The following MYBPC1 variants were observed in gnomAD, a reference collection of about 807,000 sequenced individuals.
MYBPC1 encodes myosin-binding protein C, slow-type.
Under a neutral mutation model 147.1 loss-of-function variants are expected in MYBPC1, and 52 were observed. The ratio of observed to expected loss-of-function variants is 0.35; its 90% CI spans 0.28 to 0.45. MYBPC1 has a LOEUF of 0.45. MYBPC1 is among the 20% of genes least tolerant of loss of function. The probability of loss-of-function intolerance (pLI) is 1.00; values close to 1 mark genes in which losing one functional copy is unlikely to be tolerated. For missense variants in MYBPC1, 1,228 were observed against 1,440.3 expected (o/e 0.85, Z 2.39); for synonymous variants, 477 against 475.9 (o/e 1.00, Z -0.03).
intron 5 of MYBPC1, chr12:101,629,148 AATT>A (rs1889274596): frequency 4.8e-6 from 2 of 416,580 alleles, no homozygotes; most frequent in East Asian, 1.1e-4. Context: ...GAAGCAAAGG[AATT>A]ATTGCCATCA....
intron 14 of MYBPC1, 47 bp from the exon 15 acceptor site, chr12:101,649,213 C>A (rs1893880445): frequency 3.2e-6 from 5 of 1,538,494 alleles, no homozygotes; most frequent in Non-Finnish European, 4.5e-6. Context: ...AGGTATTTTT[C>A]CTGAAGGATC....
chr12:101,660,933 C>T (rs1028260425), intron 19 of MYBPC1, among the ~76,000 whole-genome samples: 11 of 152,160 alleles, frequency 7.2e-5, no homozygotes, highest in African/African-American at 2.7e-4. Flanking sequence ...TCTCTCCCAC[C>T]AGGTCCCTCC....
chr12:101,604,717 T>C (rs2135627148), intron 1 of MYBPC1, among the ~76,000 whole-genome samples: 1 of 152,320 alleles, frequency 6.6e-6, no homozygotes, highest in East Asian at 1.9e-4. Flanking sequence ...CATATTGATT[T>C]GTATTTTGAA....
rs751957485 is a variant in MYBPC1 at position 101,677,218 on chromosome 12, AT to A, written c.2950-8del. The stretch of plus-strand genomic sequence containing the variant: ...TTTAGGTGATTTTCCTCCAGTTATT[AT>A]TTTTTTTTCTTTTAGGAATGGTTTA... On this transcript the variant is annotated splice_polypyrimidine_tract_variant and intron_variant, in intron 26 of 31. Transcript: ENST00000361466. 78 of 1,590,254 alleles carry A rather than the reference AT, an allele frequency of 4.9e-5. No individual in the cohort carries two copies. The highest frequency in any genetic ancestry group is 4.2e-4 in the African/African-American group (31 of 74,188).
Position 101,624,683 on chromosome 12 carries a change from A to ATTTTTTTTTTTTT in MYBPC1, c.104-2175_104-2163dup, listed in dbSNP as rs57175970. Reference sequence around the variant, plus strand: ...AATAATATACAAGCCCGGCTAATTAATTTTTTTTTTTTTTTTTTTTTTTTT... The same window carrying ATTTTTTTTTTTTT: ...AATAATATACAAGCCCGGCTAATTAATTTTTTTTTTTTTTTTTTTTTTTTTTTTTTTTTTTTTT... On this transcript the variant is annotated intron_variant, in intron 3 of 31. Transcript: ENST00000361466. Among the ~76,000 whole-genome samples, 128 of 99,092 alleles carry ATTTTTTTTTTTTT rather than the reference A, an allele frequency of 1.3e-3. 5 individuals carry two copies. Among genetic ancestry groups the ATTTTTTTTTTTTT allele is most frequent in the East Asian group, 5.2e-3 (18 of 3,466 alleles). The allele number at this position is 99,092 out of a possible 152,430, so 65.0% of individuals were successfully genotyped here. A position where few individuals can be genotyped will look rare whatever the true frequency, so the allele number is the denominator to read the frequency against.
chr12:101,662,597 T>C, intron 21 of MYBPC1, 51 bp downstream of exon 21: 1 of 1,589,604 alleles, frequency 6.3e-7, no homozygotes, highest in Non-Finnish European at 8.6e-7. Context: ...CCCCAGAGTA[T>C]GACTGCTTTC....
At position 101,597,981 on chromosome 12, in the gene MYBPC1, GC is replaced by G. The variant is rs376139829; in HGVS notation, c.25+2891del. ...ACAAGTAAGTGCCCGAAAGTTAATT[GC>G]CCCCGGTTCCTACTGTGTAAAGAAA... is the stretch of plus-strand genomic sequence containing the variant. On this transcript the variant is annotated intron_variant, in intron 1 of 31. Transcript: ENST00000361466. 9.2e-4 allele frequency among the ~76,000 whole-genome samples: 137 copies of G among 149,576 alleles called. 1 individual carries two copies. The South Asian group carries it at 0.011, about 12-fold the overall frequency.
At chr12:101,606,089 G>A (rs1882035986) in intron 1 of MYBPC1, among the ~76,000 whole-genome samples, 3 of 151,702 alleles carry the variant, frequency 2.0e-5, no homozygotes, top group Non-Finnish European at 4.4e-5. Flanking sequence ...CTACTCAGGA[G>A]GCTGAGCTGG....
intron 3 of MYBPC1, 80 bp downstream of exon 3, chr12:101,617,323 G>C (rs539334773): frequency 1.4e-6 from 2 of 1,437,594 alleles, no homozygotes; most frequent in South Asian, 2.3e-5. Flanking sequence ...TGTCATGGTG[G>C]CTCCATAGAA....
chr12:101,659,967 G>A, intron 19 of MYBPC1, 136 bp downstream of exon 19: 1 of 1,187,448 alleles, frequency 8.4e-7, no homozygotes, highest in Non-Finnish European at 1.2e-6. Flanking sequence ...CTTGCCTAGA[G>A]GACTTATCAT....
chr12:101,665,229 A>G (rs919574443), intron 22 of MYBPC1, among the ~76,000 whole-genome samples: 30 of 152,110 alleles, frequency 2.0e-4, no homozygotes, highest in African/African-American at 7.0e-4. Flanking sequence ...TATTATGTAT[A>G]TATTTTGCCG....
chr12:101,667,934 T>G, intron 23 of MYBPC1, 35 bp downstream of exon 23: 1 of 1,603,652 alleles, frequency 6.2e-7, no homozygotes, highest in Non-Finnish European at 8.5e-7. Context: ...TAGACTCCAT[T>G]TTACATGGTT....
chr12:101,598,449 G>T (rs918438714), intron 1 of MYBPC1, among the ~76,000 whole-genome samples: 8 of 152,062 alleles, frequency 5.3e-5, no homozygotes, highest in Admixed American at 3.3e-4. Flanking sequence ...AGTATGAATG[G>T]CTGTTAAACC....
chr12:101,626,104 AAAAAAAAAT>A (rs1888545376), intron 3 of MYBPC1, among the ~76,000 whole-genome samples: 2 of 151,288 alleles, frequency 1.3e-5, no homozygotes, highest in South Asian at 4.2e-4. Flanking sequence ...AAAAAAAAAA[AAAAAAAAAT>A]TTATCCTTCT....
At chr12:101,627,841 C>T (rs1381570756) in intron 5 of MYBPC1, 37 bp downstream of exon 5, 4 of 1,590,456 alleles carry the variant, frequency 2.5e-6, no homozygotes, top group South Asian at 1.1e-5. Flanking sequence ...CTGACCTCAT[C>T]CTAATACAAT....
intron 1 of MYBPC1, among the ~76,000 whole-genome samples, chr12:101,610,397 C>T (rs1883810434): frequency 6.6e-6 from 1 of 152,178 alleles, no homozygotes; most frequent in Admixed American, 6.5e-5. Flanking sequence ...GTCCAGTCCC[C>T]AGATGCTTCC....
intron 1 of MYBPC1, among the ~76,000 whole-genome samples, chr12:101,607,268 C>T (rs1473479451): frequency 6.6e-6 from 1 of 152,086 alleles, no homozygotes; most frequent in Non-Finnish European, 1.5e-5. Context: ...TTGTGTCAGA[C>T]CCCACCATCA....
intron 23 of MYBPC1, among the ~76,000 whole-genome samples, chr12:101,669,071 A>G (rs1898037099): frequency 6.6e-6 from 1 of 152,166 alleles, no homozygotes. Context: ...TGGGTGACAG[A>G]GCAAGACCTT....
chr12:101,603,692 A>G (rs1881041804), intron 1 of MYBPC1, among the ~76,000 whole-genome samples: 1 of 152,240 alleles, frequency 6.6e-6, no homozygotes. Flanking sequence ...CTGTAATCCC[A>G]GCATTTTGGG....
Sources: allele counts gnomAD v4.1 joint callset (sites outside exome capture counted in the v4.1 genomes callset), GRCh38; gene constraint gnomAD v4.1.1; transcripts MANE v1.5; gene names NCBI Gene and HGNC (gene_info 2026-07-23, HGNC 2026-07-21).